Variants in CAMKMT observed in about 807,000 individuals in gnomAD.
CAMKMT encodes calmodulin-lysine N-methyltransferase, also known as CaM KMT.
In CAMKMT, 53 loss-of-function variants were observed where a neutral mutation model predicts 48.0. The observed-to-expected ratio is 1.10, with a 90% CI of 0.89 to 1.39. CAMKMT has a LOEUF of 1.39. CAMKMT is among the 40% of genes most tolerant of loss of function. The pLI is 0.00. For synonymous variants in CAMKMT, 165 were observed against 152.3 expected (o/e 1.08, Z -0.61); for missense variants, 428 against 402.7 (o/e 1.06, Z -0.54).
intron 3 of CAMKMT, among the ~76,000 whole-genome samples, chr2:44,504,565 T>C (rs558393565): frequency 4.6e-5 from 7 of 152,286 alleles, no homozygotes; most frequent in African/African-American, 1.7e-4. Flanking sequence ...CAATTTCCTA[T>C]GCCTCTTACA....
chr2:44,481,886 C>T (rs1015087648), intron 3 of CAMKMT, among the ~76,000 whole-genome samples: 2 of 151,910 alleles, frequency 1.3e-5, no homozygotes, highest in African/African-American at 4.8e-5. Context: ...GTTTGAACAG[C>T]TTAGACTCAT....
chr2:44,706,603 T>C (rs1010567299), intron 5 of CAMKMT, among the ~76,000 whole-genome samples: 2 of 150,508 alleles, frequency 1.3e-5, no homozygotes, highest in Non-Finnish European at 3.0e-5. Flanking sequence ...TTCTTTGCCA[T>C]AGCGAAAGCA....
chr2:44,362,476 C>T (rs1157088564), intron 1 of CAMKMT, among the ~76,000 whole-genome samples: 1 of 151,370 alleles, frequency 6.6e-6, no homozygotes, highest in Non-Finnish European at 1.5e-5. Context: ...CTCCCCACTG[C>T]TCTTTTCCTG....
Position 44,432,249 on chromosome 2 carries a change from C to T in CAMKMT, c.376+41944C>T, listed in dbSNP as rs374574714. On this transcript the variant is annotated intron_variant, in intron 3 of 10. Transcript: ENST00000378494. Reference sequence around the variant, plus strand: ...GTCTTTTAGATAAAACCAGATACTCCTGTACTTGAGTAATTTTCCTCCCTG... The same window carrying T: ...GTCTTTTAGATAAAACCAGATACTCTTGTACTTGAGTAATTTTCCTCCCTG... 8.5e-5 allele frequency among the ~76,000 whole-genome samples: 13 copies of T among 152,136 alleles called. No homozygotes were observed. In the East Asian group the frequency reaches 1.7e-3, roughly 20 times the overall value.
intron 3 of CAMKMT, among the ~76,000 whole-genome samples, chr2:44,704,005 T>C (rs1286259961): frequency 6.6e-6 from 1 of 152,160 alleles, no homozygotes; most frequent in Non-Finnish European, 1.5e-5. Flanking sequence ...TTTAACTTGA[T>C]ATTTGTGATT....
intron 3 of CAMKMT, among the ~76,000 whole-genome samples, chr2:44,432,839 A>C (rs1006543389): frequency 2.6e-5 from 4 of 152,004 alleles, no homozygotes; most frequent in African/African-American, 7.2e-5. Context: ...AAAAAAAAAA[A>C]ACATATGCTT....
intron 3 of CAMKMT, among the ~76,000 whole-genome samples, chr2:44,644,829 T>A (rs914495488): frequency 6.6e-6 from 1 of 152,202 alleles, no homozygotes; most frequent in Admixed American, 6.5e-5. Flanking sequence ...TATATTGAGC[T>A]TCATGTCATG....
Position 44,404,413 on chromosome 2 carries a change from G to A in CAMKMT, c.376+14108G>A, listed in dbSNP as rs1572780117. Among the ~76,000 whole-genome samples, 6 of 151,962 alleles carry A rather than the reference G, an allele frequency of 3.9e-5. No homozygotes were observed. In the South Asian group the frequency reaches 1.0e-3, roughly 26 times the overall value. On this transcript the variant is annotated intron_variant, in intron 3 of 10. Transcript: ENST00000378494. ...GTTACTCGTCTTTTAAAATACATAC[G>A]TGTTATTTTGTTACATATTGGCGAT...
At chr2:44,690,166 A>G (rs2104216101) in intron 3 of CAMKMT, among the ~76,000 whole-genome samples, 1 of 152,372 alleles carries the variant, frequency 6.6e-6, no homozygotes, top group African/African-American at 2.4e-5. Flanking sequence ...TAGTGAAAAT[A>G]AAATATTTTA....
At chr2:44,437,799 ACT>A (rs1033314975) in intron 3 of CAMKMT, among the ~76,000 whole-genome samples, 146 of 146,676 alleles carry the variant, frequency 1.0e-3, no homozygotes, top group African/African-American at 3.5e-3. Flanking sequence ...TGATTCAGCC[ACT>A]GTACTTTGGC....
chr2:44,442,330 A>G (rs1214881595), intron 3 of CAMKMT, among the ~76,000 whole-genome samples: 3 of 152,216 alleles, frequency 2.0e-5, no homozygotes, highest in African/African-American at 7.2e-5. Context: ...ACACACATAT[A>G]TAAAGCAAAA....
chr2:44,580,768 C>T (rs936905608), intron 3 of CAMKMT, among the ~76,000 whole-genome samples: 7 of 152,204 alleles, frequency 4.6e-5, no homozygotes, highest in African/African-American at 9.7e-5. Flanking sequence ...AACATTTACA[C>T]GGCTTCAGAA....
At chr2:44,566,459 G>T (rs1668621492) in intron 3 of CAMKMT, among the ~76,000 whole-genome samples, 1 of 152,100 alleles carries the variant, frequency 6.6e-6, no homozygotes, top group African/African-American at 2.4e-5. Context: ...GTCCTTTGGG[G>T]CAGAATTTGG....
chr2:44,565,197 G>A (rs563137963), intron 3 of CAMKMT, among the ~76,000 whole-genome samples: 2 of 152,212 alleles, frequency 1.3e-5, no homozygotes, highest in East Asian at 1.9e-4. Context: ...TGGCTTGATG[G>A]CAACACCTTC....
intron 3 of CAMKMT, among the ~76,000 whole-genome samples, chr2:44,472,021 G>T (rs1668445692): frequency 6.6e-6 from 1 of 152,170 alleles, no homozygotes; most frequent in Non-Finnish European, 1.5e-5. Flanking sequence ...GGGTTGGTAT[G>T]AAGATTTTCA....
chr2:44,684,445 A>G (rs760332851), intron 3 of CAMKMT, among the ~76,000 whole-genome samples: 23 of 152,162 alleles, frequency 1.5e-4, no homozygotes, highest in Non-Finnish European at 2.5e-4. Context: ...ACAATTTTCT[A>G]TATGGCTTAA....
At chr2:44,710,068 G>T (rs1356085239) in intron 6 of CAMKMT, among the ~76,000 whole-genome samples, 2 of 150,566 alleles carry the variant, frequency 1.3e-5, no homozygotes, top group East Asian at 2.0e-4. Flanking sequence ...AATCTTCTTA[G>T]TCTCTTAAGC....
intron 3 of CAMKMT, among the ~76,000 whole-genome samples, chr2:44,605,331 G>C (rs1435766705): frequency 2.0e-5 from 3 of 152,048 alleles, no homozygotes; most frequent in African/African-American, 7.2e-5. Context: ...TTTTGTTATG[G>C]CCTTTACAAA....
At chr2:44,473,973 C>A (rs1668553616) in intron 3 of CAMKMT, among the ~76,000 whole-genome samples, 1 of 152,124 alleles carries the variant, frequency 6.6e-6, no homozygotes, top group Admixed American at 6.5e-5. Context: ...TACTACTAAG[C>A]AGCAATTACA....
Sources: allele counts gnomAD v4.1 joint callset (sites outside exome capture counted in the v4.1 genomes callset), GRCh38; gene constraint gnomAD v4.1.1; transcripts MANE v1.5; gene names NCBI Gene and HGNC (gene_info 2026-07-23, HGNC 2026-07-21).